OR9G4: variants seen among roughly 807,000 people sequenced by gnomAD.
The protein encoded by OR9G4 is olfactory receptor family 9 subfamily G member 4.
OR9G4 carries 19 observed loss-of-function variants against 16.7 expected under a neutral mutation model. The ratio of observed to expected loss-of-function variants is 1.14; its 90% confidence interval spans 0.79 to 1.67. The LOEUF (loss-of-function observed/expected upper bound fraction) is 1.67, where lower values mean the gene tolerates loss of function less well. Ranked by LOEUF, OR9G4 falls within the 40% of genes most tolerant of loss-of-function variation. The pLI, the probability that OR9G4 is intolerant of heterozygous loss-of-function variation, is 0.00. For synonymous variants in OR9G4, 182 were observed against 146.2 expected, an observed-to-expected ratio of 1.24 and a Z score of -1.76; for missense variants, 428 against 370.4, an observed-to-expected ratio of 1.16 and a Z score of -1.28.
chr11:56,747,203 T>TATTATTATTATTATA (rs1554967633), intron 1 of OR9G4, among the ~76,000 whole-genome samples: 2 of 149,734 alleles, frequency 1.3e-5, no homozygotes, highest in Non-Finnish European at 3.0e-5. Context: ...TTATTATTAT[T>TATTATTATTATTATA]ATTATTATTA....
chr11:56,743,636 G>T lies in OR9G4; in HGVS notation c.131C>A (p.Thr44Asn), dbSNP rs1215634968. The T allele has an allele frequency of 6.2e-7, 1 of 1,613,692 alleles. No individual in the cohort carries two copies. The highest frequency in any genetic ancestry group is 8.5e-7 in the Non-Finnish European group (1 of 1,179,766). The change falls in exon 2 of 2, where the codon ACC (threonine) becomes AAC (asparagine). Residue 44 changes from threonine (T) to asparagine (N), a missense_variant. Coordinates refer to ENST00000641668, the MANE Select transcript of OR9G4 (RefSeq NM_001005284.2). ...ATCAGTTCGGATTAAGATAACCAAGGTCATGTTTCCTGACAAGGTTATCAA... is the reference window on the plus strand; with the variant it reads ...ATCAGTTCGGATTAAGATAACCAAGTTCATGTTTCCTGACAAGGTTATCAA... ...LYLITLSGNM[T>N]LVILIRTDSH...
In OR9G4 at chr11:56,743,082, G is replaced by C; in HGVS notation, c.685C>G (p.His229Asp). ...VNILLAILRI[H>D]SASGRHKAFS... is the part of the protein sequence containing the mutation. ...GCCTTGTGTCTTCCTGAAGCTGAGTGGATTCTCAGGATAGCCAGGAGGATG... is the reference window on the plus strand; with the variant it reads ...GCCTTGTGTCTTCCTGAAGCTGAGTCGATTCTCAGGATAGCCAGGAGGATG... The change falls in exon 2 of 2, where the codon CAC becomes GAC. Residue 229 changes from histidine (H) to aspartate (D), a missense_variant. Coordinates refer to ENST00000641668, the MANE Select transcript of OR9G4 (RefSeq NM_001005284.2). The C allele has an allele frequency of 6.2e-7, 1 of 1,614,162 alleles. No homozygotes were observed. The highest frequency in any genetic ancestry group is 8.5e-7 in the Non-Finnish European group (1 of 1,180,018).
chr11:56,744,004 C>A (rs1376320216), intron 1 of OR9G4: 2 of 562,348 alleles, frequency 3.6e-6, no homozygotes, highest in Non-Finnish European at 6.2e-6. Flanking sequence ...CTATTTAATG[C>A]AGGACAAGAC....
At chr11:56,746,161 C>T (rs1412400588) in intron 1 of OR9G4, among the ~76,000 whole-genome samples, 2 of 149,994 alleles carry the variant, frequency 1.3e-5, no homozygotes, top group Non-Finnish European at 1.5e-5. Context: ...GGCGTAGTGG[C>T]GGGCGCCTGT....
chr11:56,747,076 C>T (rs1034126350), intron 1 of OR9G4, among the ~76,000 whole-genome samples: 1 of 152,088 alleles, frequency 6.6e-6, no homozygotes, highest in Admixed American at 6.6e-5. Context: ...CCTAAAGAAC[C>T]TTATCTCCTA....
rs1275927156 is a variant in OR9G4 at position 56,742,448 on chromosome 11, C to A, written c.*380G>T. ...TTGAGCATATTTCCAGAAGCCTCAC[C>A]CTTTCAGATATTCTTGTCACCTAGT... On this transcript the variant is annotated 3_prime_UTR_variant, in exon 2 of 2. Coordinates refer to ENST00000641668, the MANE Select transcript of OR9G4 (RefSeq NM_001005284.2). The A allele has an allele frequency of 5.9e-6, 1 of 170,488 alleles. No individual in the cohort carries two copies. Among genetic ancestry groups the A allele is most frequent in the Non-Finnish European group, 1.3e-5 (1 of 79,904 alleles). 10.6% of individuals were successfully genotyped at this position (170,488 alleles called of 1,614,324 possible). A position where few individuals can be genotyped will look rare whatever the true frequency, so the allele number is the denominator to read the frequency against.
intron 1 of OR9G4, among the ~76,000 whole-genome samples, chr11:56,748,255 T>C (rs1590609989): frequency 6.6e-6 from 1 of 152,196 alleles, no homozygotes; most frequent in African/African-American, 2.4e-5. Context: ...ATCCCTTCAC[T>C]AGAGCAAGAA....
chr11:56,747,909 C>G (rs1057172892), intron 1 of OR9G4, among the ~76,000 whole-genome samples: 2 of 152,136 alleles, frequency 1.3e-5, no homozygotes, highest in Non-Finnish European at 2.9e-5. Context: ...CTCCTCACCT[C>G]GTGATCCGCC....
intron 1 of OR9G4, among the ~76,000 whole-genome samples, chr11:56,744,759 T>A (rs1165861488): frequency 1.3e-5 from 2 of 152,190 alleles, no homozygotes; most frequent in African/African-American, 2.4e-5. Context: ...CCTGGGTTAG[T>A]TTGCTGGATA....
rs896838454 is a variant in OR9G4, at chr11:56,742,282, G to A, written c.*546C>T. 6.5e-6 allele frequency: 1 copy of A among 152,976 alleles called. No individual in the cohort carries two copies. Among genetic ancestry groups the A allele is most frequent in the African/African-American group, 2.4e-5 (1 of 41,432 alleles). 9.5% of individuals were successfully genotyped at this position (152,976 alleles called of 1,614,324 possible). A position where few individuals can be genotyped will look rare whatever the true frequency, so the allele number is the denominator to read the frequency against. ...TTGTTGTCATTGTTGTTTGTAATCT[G>A]AACAACTCTTAAACATCTTCCTAAT... On this transcript the variant is annotated 3_prime_UTR_variant, in exon 2 of 2. Transcript: ENST00000641668.
chr11:56,742,929 C>G lies in OR9G4; in HGVS notation c.838G>C (p.Val280Leu). The change falls in exon 2 of 2, where the codon GTG (valine) becomes CTG (leucine). Residue 280 changes from valine (V) to leucine (L), a missense_variant. Physicochemically the swap from Val to Leu is conservative, Grantham distance 32. Transcript: ENST00000641668. ...AGAGGGTTGAGCAGTGGGTTGATCACGGTGTAGAACAGAGCAGCTACTTTG... is the reference window on the plus strand; with the variant it reads ...AGAGGGTTGAGCAGTGGGTTGATCAGGGTGTAGAACAGAGCAGCTACTTTG... ...RDKVAALFYT[V>L]INPLLNPLIY... 2.5e-6 allele frequency: 4 copies of G among 1,614,002 alleles called. No homozygotes were observed. Among genetic ancestry groups the G allele is most frequent in the Non-Finnish European group, 3.4e-6 (4 of 1,179,950 alleles).
At chr11:56,745,489 A>T (rs1253754560) in intron 1 of OR9G4, among the ~76,000 whole-genome samples, 1 of 152,100 alleles carries the variant, frequency 6.6e-6, no homozygotes, top group Non-Finnish European at 1.5e-5. Flanking sequence ...TCTTATAGAA[A>T]TTGTTACGTG....
At position 56,741,939 on chromosome 11, in the gene OR9G4, T is replaced by C. The variant is rs772532698; in HGVS notation, c.*889A>G. The C allele has an allele frequency of 1.3e-5, 2 of 152,260 alleles. No individual in the cohort carries two copies. Among genetic ancestry groups the C allele is most frequent in the African/African-American group, 2.4e-5 (1 of 41,436 alleles). 9.4% of individuals were successfully genotyped at this position (152,260 alleles called of 1,614,324 possible). Reference sequence around the variant, plus strand: ...TAGTTTCCATGTGGTTAGCAACATGTTTGATTTTTCAGGGTTTCAGGCATC... The same window carrying C: ...TAGTTTCCATGTGGTTAGCAACATGCTTGATTTTTCAGGGTTTCAGGCATC... On this transcript the variant is annotated 3_prime_UTR_variant, in exon 2 of 2. Transcript: ENST00000641668.
chr11:56,743,448 CA>C lies in OR9G4; in HGVS notation c.318del (p.Val107Ter). On this transcript the variant is annotated frameshift_variant, in exon 2 of 2. Coordinates refer to ENST00000641668, the MANE Select transcript of OR9G4 (RefSeq NM_001005284.2). LOFTEE classifies it high-confidence loss of function. Reference sequence around the variant, plus strand: ...AGGAGATAGCATTCAGTGTAGGCTACAACACAGGAAAAAAACAGCTGAGCCC... The same window carrying C: ...AGGAGATAGCATTCAGTGTAGGCTACACACAGGAAAAAAACAGCTGAGCCC... ...GCGAQLFFSC[V>X]VAYTECYLLA... is the part of the protein sequence containing the mutation. The C allele has an allele frequency of 6.2e-7, 1 of 1,613,918 alleles. No individual in the cohort carries two copies. The highest frequency in any genetic ancestry group is 8.5e-7 in the Non-Finnish European group (1 of 1,179,998).
intron 1 of OR9G4, among the ~76,000 whole-genome samples, chr11:56,746,255 T>C (rs533874374): frequency 6.6e-4 from 81 of 122,546 alleles, no homozygotes; most frequent in Non-Finnish European, 1.2e-3. Context: ...ATCCCGCCAC[T>C]GCACTCCAGC....
rs1206911939 is a variant in OR9G4, at chr11:56,741,405, C to T, written c.*1423G>A. The T allele has an allele frequency of 5.7e-6, 1 of 175,748 alleles. No individual in the cohort carries two copies. The highest frequency in any genetic ancestry group is 2.4e-5 in the African/African-American group (1 of 41,674). The allele number at this position is 175,748 out of a possible 1,614,324, so 10.9% of individuals were successfully genotyped here. ...AAATTAAATTTTTACGATGTTCTTT[C>T]CCATAATATTGACCCAATTATTTTT... On this transcript the variant is annotated 3_prime_UTR_variant, in exon 2 of 2. Transcript: ENST00000641668.
rs1858353958 is a variant in OR9G4 at position 56,743,717 on chromosome 11, A to C, written c.50T>G (p.Phe17Cys). 22 of 1,614,208 alleles carry C rather than the reference A, an allele frequency of 1.4e-5. No homozygotes were observed. The highest frequency in any genetic ancestry group is 1.8e-5 in the Non-Finnish European group (21 of 1,180,018). ...TILTEFILLG[F>C]SADSQWQPIL... ...CGGCTGCCACTGGGAATCTGCTGAG[A>C]AACCCAACAAGATGAATTCAGTCAG... Residue 17 changes from phenylalanine to cysteine, a missense_variant, in exon 2 of 2, where the codon TTC (phenylalanine) becomes TGC (cysteine). Phe to Cys is a radical substitution (Grantham distance 205). Transcript: ENST00000641668.
In OR9G4 at chr11:56,742,848, TC is replaced by T; in HGVS notation, c.918del (p.Thr307LeufsTer17). On this transcript the variant is annotated frameshift_variant, in exon 2 of 2. Coordinates refer to ENST00000641668, the MANE Select transcript of OR9G4 (RefSeq NM_001005284.2). LOFTEE classifies it high-confidence loss of function. ...AACCTTCATGTTTGTGGTTGTATAG[TC>T]TGTGTTGCTTTCCTGAAGGCCTCTT... ...DIKEAFRKATQTIQPQT is the reference protein window; with the variant it reads ...DIKEAFRKATXTIQPQT 6.2e-7 allele frequency: 1 copy of T among 1,613,850 alleles called. No individual in the cohort carries two copies. The highest frequency in any genetic ancestry group is 8.5e-7 in the Non-Finnish European group (1 of 1,179,806).
Position 56,743,232 on chromosome 11 carries a change from A to C in OR9G4, c.535T>G (p.Cys179Gly). ...CGKNIIDHFF[C>G]DAPPLVKMSC... is the part of the protein sequence containing the mutation. The stretch of plus-strand genomic sequence containing the variant: ...ATTTTTACCAATGGTGGTGCATCAC[A>C]GAAAAAGTGGTCAATGATATTTTTA... The change falls in exon 2 of 2, where the codon TGT becomes GGT. Residue 179 changes from cysteine to glycine, a missense_variant. Cys to Gly is a radical substitution (Grantham distance 159). Transcript: ENST00000641668. 1 of 1,614,204 alleles carries C rather than the reference A, an allele frequency of 6.2e-7. No homozygotes were observed. Among genetic ancestry groups the C allele is most frequent in the Non-Finnish European group, 8.5e-7 (1 of 1,180,020 alleles).
Sources: allele counts gnomAD v4.1 joint callset (sites outside exome capture counted in the v4.1 genomes callset), GRCh38; gene constraint gnomAD v4.1.1; transcripts MANE v1.5; gene names NCBI Gene and HGNC (gene_info 2026-07-23, HGNC 2026-07-21).